ATP2B4: variants seen among roughly 807,000 people sequenced by gnomAD.
The protein encoded by ATP2B4 is ATPase plasma membrane Ca2+ transporting 4.
ATP2B4 carries 39 observed loss-of-function variants against 110.3 expected under a neutral mutation model. The observed-to-expected ratio is 0.35, with a 90% CI of 0.27 to 0.46. ATP2B4 has a LOEUF of 0.46. ATP2B4 is among the 20% of genes least tolerant of loss of function. ATP2B4 has a pLI of 1.00. For synonymous variants in ATP2B4, 538 were observed against 571.7 expected (o/e 0.94, Z 0.84); for missense variants, 1,135 against 1,530.9 (o/e 0.74, Z 4.32).
Position 203,698,338 on chromosome 1 carries a change from T to C in ATP2B4, c.375T>C (p.Ala125=), listed in dbSNP as rs1665594617. 6.2e-7 allele frequency: 1 copy of C among 1,614,006 alleles called. No individual in the cohort carries two copies. The highest frequency in any genetic ancestry group is 8.5e-7 in the Non-Finnish European group (1 of 1,180,022). ...ISLVLSFYRP[A]GEENELCGQV... is the part of the protein sequence containing the mutation. Reference sequence around the variant, plus strand: ...TGGTCCTGTCCTTTTATCGCCCTGCTGGTGAAGAAAATGAACGTGAGTGTC... The same window carrying C: ...TGGTCCTGTCCTTTTATCGCCCTGCCGGTGAAGAAAATGAACGTGAGTGTC... Residue 125 remains alanine, a synonymous_variant, in exon 3 of 21, where the codon GCT becomes GCC. Coordinates refer to ENST00000357681, the MANE Select transcript of ATP2B4 (RefSeq NM_001684.5).
chr1:203,700,200 C>T lies in ATP2B4; in HGVS notation c.650-6C>T, dbSNP rs375584137. On this transcript the variant is annotated splice_polypyrimidine_tract_variant and splice_region_variant and intron_variant, in intron 4 of 20. Transcript: ENST00000357681. The stretch of plus-strand genomic sequence containing the variant: ...TCACTGTCCCTCCTTCCCCTTTGTG[C>T]TCTAGGTGATCTGCTGCCTGCAGAT... 7 of 1,611,692 alleles carry T rather than the reference C, an allele frequency of 4.3e-6. No homozygotes were observed. In the African/African-American group the frequency reaches 8.0e-5, roughly 18 times the overall value.
intron 20 of ATP2B4, chr1:203,733,417 TATG>T: frequency 4.4e-6 from 7 of 1,597,874 alleles, no homozygotes; most frequent in Non-Finnish European, 4.3e-6. Context: ...GATAGTCTAT[TATG>T]ATGCATGATT....
At chr1:203,720,847 C>A in intron 16 of ATP2B4, 107 bp downstream of exon 16, 4 of 1,308,782 alleles carry the variant, frequency 3.1e-6, no homozygotes, top group South Asian at 1.5e-5. Context: ...AGCGTTTCCC[C>A]ATGACATTGG....
At chr1:203,632,210 G>GA (rs1016763029) in intron 1 of ATP2B4, among the ~76,000 whole-genome samples, 15 of 140,664 alleles carry the variant, frequency 1.1e-4, no homozygotes, top group Admixed American at 2.8e-4. Flanking sequence ...TAGCCAAAAA[G>GA]AAAAAAAAAA....
chr1:203,640,553 G>C, intron 1 of ATP2B4, among the ~76,000 whole-genome samples: 1 of 151,986 alleles, frequency 6.6e-6, no homozygotes, highest in East Asian at 1.9e-4. Context: ...TCAAACTCCT[G>C]GTCTCAAGCA....
At chr1:203,715,291 TC>T (rs1276585021) in intron 15 of ATP2B4, among the ~76,000 whole-genome samples, 1 of 140,730 alleles carries the variant, frequency 7.1e-6, no homozygotes, top group Non-Finnish European at 1.6e-5. Context: ...CAAAAGAGAT[TC>T]CCCCTCATTG....
intron 8 of ATP2B4, among the ~76,000 whole-genome samples, chr1:203,705,508 C>G (rs893682677): frequency 2.6e-5 from 4 of 152,184 alleles, no homozygotes; most frequent in Non-Finnish European, 4.4e-5. Context: ...AAGTGAGTCT[C>G]CCGAGTAGCT....
chr1:203,682,494 C>T (rs141652818), intron 1 of ATP2B4, among the ~76,000 whole-genome samples: 34 of 152,222 alleles, frequency 2.2e-4, no homozygotes, highest in African/African-American at 7.5e-4. Context: ...AGAGGTGAGA[C>T]GTGAAGACTC....
At chr1:203,717,626 T>TTTTATTTA (rs113515512) in intron 15 of ATP2B4, among the ~76,000 whole-genome samples, 3,534 of 144,192 alleles carry the variant, frequency 0.025, 105 homozygotes, top group African/African-American at 0.063. Context: ...ATGGTATTTA[T>TTTTATTTA]TTTATTTATT....
intron 15 of ATP2B4, among the ~76,000 whole-genome samples, chr1:203,716,612 C>T (rs78536728): frequency 0.018 from 2,589 of 145,188 alleles, 308 homozygotes; most frequent in African/African-American, 0.063. Flanking sequence ...TTCCTAAGGA[C>T]AGTCGTCTCA....
chr1:203,700,663 T>G, intron 5 of ATP2B4, 135 bp from the exon 6 acceptor site: 6 of 1,279,610 alleles, frequency 4.7e-6, no homozygotes, highest in Non-Finnish European at 6.4e-6. Flanking sequence ...CTCTTGACCT[T>G]TTCCTACTGT....
intron 8 of ATP2B4, among the ~76,000 whole-genome samples, chr1:203,704,309 C>A (rs1188807381): frequency 6.6e-6 from 1 of 151,952 alleles, no homozygotes; most frequent in Non-Finnish European, 1.5e-5. Flanking sequence ...AGAGAGGTAA[C>A]TAAATAATGC....
At chr1:203,698,396 C>T (rs1665596638) in intron 3 of ATP2B4, 42 bp downstream of exon 3, 3 of 1,591,978 alleles carry the variant, frequency 1.9e-6, no homozygotes, top group Non-Finnish European at 2.6e-6. Context: ...TATCTGGGTT[C>T]TTTCCACCAC....
chr1:203,714,420 G>A (rs781526099), intron 15 of ATP2B4, 143 bp downstream of exon 15: 15 of 749,528 alleles, frequency 2.0e-5, no homozygotes, highest in Admixed American at 1.9e-4. Context: ...CCTATCTACC[G>A]GGCCAATCAT....
intron 1 of ATP2B4, among the ~76,000 whole-genome samples, chr1:203,635,484 G>GA (rs1663410946): frequency 6.6e-6 from 1 of 151,978 alleles, no homozygotes; most frequent in African/African-American, 2.4e-5. Context: ...GATGACATAG[G>GA]AAGACTCCAC....
chr1:203,740,497 G>T lies in ATP2B4; in HGVS notation c.*643G>T, dbSNP rs1199962959. 4 of 141,564 alleles carry T rather than the reference G, an allele frequency of 2.8e-5. No individual in the cohort carries two copies. The South Asian group carries it at 9.0e-4, about 32-fold the overall frequency. The allele number at this position is 141,564 out of a possible 1,614,324, so 8.8% of individuals were successfully genotyped here. A position where few individuals can be genotyped will look rare whatever the true frequency, so the allele number is the denominator to read the frequency against. ...AAAATGGAAAGGATATGGATGAATT[G>T]TGTAAACTTAGATCCTTCTCCCTTT... On this transcript the variant is annotated 3_prime_UTR_variant, in exon 21 of 21. Coordinates refer to ENST00000357681, the MANE Select transcript of ATP2B4 (RefSeq NM_001684.5).
At chr1:203,711,926 A>C (rs763685183) in intron 12 of ATP2B4, 34 bp from the exon 13 acceptor site, 1 of 1,606,852 alleles carries the variant, frequency 6.2e-7, no homozygotes, top group African/African-American at 1.3e-5. Flanking sequence ...CATCACCCTC[A>C]TCTGCGCCTT....
chr1:203,724,865 C>CTCTTTTTTTTTTTTTTTT lies in ATP2B4; in HGVS notation c.3132+878_3132+879insCTTTTTTTTTTTTTTTTT, dbSNP rs1214526316. Among the ~76,000 whole-genome samples the CTCTTTTTTTTTTTTTTTT allele has an allele frequency of 2.0e-5, 2 of 101,454 alleles. 1 individual carries two copies. The highest frequency in any genetic ancestry group is 8.2e-5 in the African/African-American group (2 of 24,266). The allele number at this position is 101,454 out of a possible 152,430, so 66.6% of individuals were successfully genotyped here. ...ACTGCCTGGGTTTGAATCCAGCTCT[C>CTCTTTTTTTTTTTTTTTT]TGTTTTTTTTTTTTTTTTTTTTTTT... On this transcript the variant is annotated intron_variant, in intron 19 of 20. Coordinates refer to ENST00000357681, the MANE Select transcript of ATP2B4 (RefSeq NM_001684.5).
chr1:203,665,421 G>C (rs1329489751), intron 1 of ATP2B4, among the ~76,000 whole-genome samples: 2 of 152,200 alleles, frequency 1.3e-5, no homozygotes, highest in Non-Finnish European at 2.9e-5. Context: ...TAGCAGGCGT[G>C]GGAGATGTTT....
Sources: allele counts gnomAD v4.1 joint callset (sites outside exome capture counted in the v4.1 genomes callset), GRCh38; gene constraint gnomAD v4.1.1; transcripts MANE v1.5; gene names NCBI Gene and HGNC (gene_info 2026-07-23, HGNC 2026-07-21).